Variants in NTRK3 observed in about 807,000 individuals in gnomAD.
NTRK3 encodes neurotrophic receptor tyrosine kinase 3, also known as NT-3 growth factor receptor.
In NTRK3, 24 loss-of-function variants were observed where a neutral mutation model predicts 91.7. That is an observed-to-expected ratio of 0.26 (90% CI 0.19 to 0.37). The LOEUF is 0.37. Among genes scored for constraint, NTRK3 ranks in the 10% least tolerant of loss-of-function variants. The pLI is 1.00. For synonymous variants in NTRK3, 483 were observed against 404.0 expected, an observed-to-expected ratio of 1.20 and a Z score of -2.34; for missense variants, 880 against 1,068.9, an observed-to-expected ratio of 0.82 and a Z score of 2.46.
chr15:88,206,621 G>A (rs1217530432), intron 3 of NTRK3, among the ~76,000 whole-genome samples: 2 of 142,640 alleles, frequency 1.4e-5, no homozygotes, highest in Admixed American at 7.3e-5. Context: ...TTGCGCCACT[G>A]CACTCCGGCC....
intron 14 of NTRK3, chr15:87,979,592 A>G: frequency 1.5e-6 from 1 of 678,810 alleles, no homozygotes. Flanking sequence ...TGTCAGCAAA[A>G]GGGAAGGATA....
At chr15:88,132,118 G>A (rs2041415952) in intron 10 of NTRK3, 2 of 181,844 alleles carry the variant, frequency 1.1e-5, no homozygotes, top group Admixed American at 6.3e-5. Flanking sequence ...ACAAGTGATT[G>A]AGTCAGAGTC....
intron 14 of NTRK3, among the ~76,000 whole-genome samples, chr15:88,013,059 T>C (rs2076989839): frequency 6.9e-6 from 1 of 144,714 alleles, no homozygotes; most frequent in Non-Finnish European, 1.5e-5. Context: ...AACCGTGCAC[T>C]GGTAAAGACC....
intron 5 of NTRK3, among the ~76,000 whole-genome samples, chr15:88,175,196 T>C (rs977467856): frequency 2.6e-5 from 4 of 152,242 alleles, no homozygotes; most frequent in African/African-American, 7.2e-5. Context: ...TCCCACTACA[T>C]GTCAACAGAG....
At chr15:88,146,527 A>G (rs1446914478) in intron 6 of NTRK3, among the ~76,000 whole-genome samples, 1 of 152,160 alleles carries the variant, frequency 6.6e-6, no homozygotes, top group Non-Finnish European at 1.5e-5. Context: ...TCAACATAAT[A>G]TGATGTCCTT....
rs540083864 is a variant in NTRK3, at chr15:88,238,049, G to A, written c.248+17857C>T. Reference sequence around the variant, plus strand: ...GACTGGTGTCCTTATAAGAAGAGGAGATTAGGACACAGGCACACACACACA... The same window carrying A: ...GACTGGTGTCCTTATAAGAAGAGGAAATTAGGACACAGGCACACACACACA... On this transcript the variant is annotated intron_variant, in intron 3 of 18. Transcript: ENST00000394480. Among the ~76,000 whole-genome samples, 3 of 152,250 alleles carry A rather than the reference G, an allele frequency of 2.0e-5. No homozygotes were observed. The East Asian group carries it at 5.8e-4, about 29-fold the overall frequency.
At chr15:87,998,682 A>G (rs994695657) in intron 14 of NTRK3, among the ~76,000 whole-genome samples, 1 of 152,228 alleles carries the variant, frequency 6.6e-6, no homozygotes, top group African/African-American at 2.4e-5. Context: ...GGATGGCCAG[A>G]AACAGCAAAT....
intron 14 of NTRK3, among the ~76,000 whole-genome samples, chr15:87,942,121 C>A (rs1460704553): frequency 1.3e-5 from 2 of 152,208 alleles, no homozygotes; most frequent in African/African-American, 2.4e-5. Context: ...CTACAGGAAT[C>A]TTTTTCCTCC....
intron 14 of NTRK3, among the ~76,000 whole-genome samples, chr15:88,007,438 C>T (rs2076572936): frequency 2.0e-5 from 3 of 152,122 alleles, no homozygotes; most frequent in Admixed American, 2.0e-4. Flanking sequence ...CAACCTTTTT[C>T]ACAATTAGAG....
intron 6 of NTRK3, chr15:88,143,804 C>T (rs960628380): frequency 2.0e-5 from 3 of 152,234 alleles, no homozygotes; most frequent in African/African-American, 7.2e-5. Flanking sequence ...AACCCATCCC[C>T]GCTACTGAGT....
In NTRK3 at chr15:87,918,620, G is replaced by A. The variant is rs530919838; in HGVS notation, c.2133+10571C>T. ...TTCTTAACTGCCTTTTATACAATTT[G>A]CCTCCCTTTGGCTTATGATAGAGCA... On this transcript the variant is annotated intron_variant, in intron 17 of 18. Transcript: ENST00000394480. Among the ~76,000 whole-genome samples, 9 of 152,216 alleles carry A rather than the reference G, an allele frequency of 5.9e-5. No individual in the cohort carries two copies. In the South Asian group the frequency reaches 1.7e-3, roughly 28 times the overall value.
chr15:87,901,787 G>A (rs1350058886), intron 17 of NTRK3, among the ~76,000 whole-genome samples: 1 of 151,990 alleles, frequency 6.6e-6, no homozygotes, highest in African/African-American at 2.4e-5. Context: ...GGGAGAAAGG[G>A]AGAGAGGAAG....
chr15:87,963,504 G>C (rs998597103), intron 14 of NTRK3, among the ~76,000 whole-genome samples: 2 of 152,088 alleles, frequency 1.3e-5, no homozygotes, highest in African/African-American at 4.8e-5. Flanking sequence ...TTTCACTATG[G>C]TGTGAAATTA....
At chr15:87,885,701 C>A (rs2065494095) in intron 17 of NTRK3, 2 of 1,388,396 alleles carry the variant, frequency 1.4e-6, no homozygotes, top group Non-Finnish European at 9.6e-7. Context: ...TACCTCACAC[C>A]ATATACAAAA....
intron 8 of NTRK3, 26 bp downstream of exon 8, chr15:88,136,441 A>T (rs764492024): frequency 6.2e-7 from 1 of 1,614,070 alleles, no homozygotes. Context: ...TAGCCTCCTG[A>T]TGGGGCTGAA....
At chr15:88,186,683 C>T (rs952193059) in intron 3 of NTRK3, among the ~76,000 whole-genome samples, 1 of 152,214 alleles carries the variant, frequency 6.6e-6, no homozygotes, top group African/African-American at 2.4e-5. Context: ...ATGAAAACTA[C>T]ATGAAATTCA....
chr15:88,191,604 G>A (rs765692218), intron 3 of NTRK3, among the ~76,000 whole-genome samples: 8 of 152,344 alleles, frequency 5.3e-5, no homozygotes, highest in Non-Finnish European at 7.3e-5. Context: ...GCACACACAC[G>A]CATGAATGCA....
intron 13 of NTRK3, among the ~76,000 whole-genome samples, chr15:88,045,351 C>T (rs976954201): frequency 2.0e-5 from 3 of 152,302 alleles, no homozygotes; most frequent in East Asian, 1.9e-4. Flanking sequence ...GGCCCATTTC[C>T]TTACTTATCC....
At chr15:87,939,741 C>G (rs1283745477) in intron 15 of NTRK3, among the ~76,000 whole-genome samples, 2 of 152,170 alleles carry the variant, frequency 1.3e-5, no homozygotes. Flanking sequence ...CTCACTGCAC[C>G]CAATGAAGCC....
Sources: allele counts gnomAD v4.1 joint callset (sites outside exome capture counted in the v4.1 genomes callset), GRCh38; gene constraint gnomAD v4.1.1; transcripts MANE v1.5; gene names NCBI Gene and HGNC (gene_info 2026-07-23, HGNC 2026-07-21).